TMC1: variants seen among roughly 807,000 people sequenced by gnomAD.
TMC1 encodes transmembrane channel like 1.
A neutral mutation model predicts 105.8 loss-of-function variants in TMC1; 84 were observed. The observed-to-expected ratio is 0.79, with a 90% CI of 0.67 to 0.95. The LOEUF (loss-of-function observed/expected upper bound fraction) is 0.95, where lower values mean the gene tolerates loss of function less well. Ranked by LOEUF, TMC1 falls within the 40% of genes least tolerant of loss-of-function variation. The pLI is 0.00. For synonymous variants in TMC1, 315 were observed against 311.5 expected (o/e 1.01, Z -0.12); for missense variants, 817 against 914.1 (o/e 0.89, Z 1.37).
intron 3 of TMC1, among the ~76,000 whole-genome samples, chr9:72,625,455 G>T (rs779624594): frequency 1.3e-5 from 2 of 152,028 alleles, no homozygotes; most frequent in Admixed American, 1.3e-4. Context: ...TTGGGAGGCC[G>T]AGGCAGGTGG....
rs116211767 is a variant in TMC1, at chr9:72,775,897, C to T, written c.884+3342C>T. Among the ~76,000 whole-genome samples, 1,130 of 152,254 alleles carry T rather than the reference C, an allele frequency of 7.4e-3. 12 individuals carry two copies. Among genetic ancestry groups the T allele is most frequent in the African/African-American group, 0.026 (1,073 of 41,546 alleles). On this transcript the variant is annotated intron_variant, in intron 13 of 23. Coordinates refer to ENST00000297784, the MANE Select transcript of TMC1 (RefSeq NM_138691.3). ...TGGGGAGGTGCTGGGCTCTTTTAAA[C>T]AGCCAGCTCTCGTGGGAGCTAATAG... is the stretch of plus-strand genomic sequence containing the variant.
intron 17 of TMC1, chr9:72,805,146 A>G (rs1564566408): frequency 5.2e-6 from 2 of 387,888 alleles, no homozygotes; most frequent in Non-Finnish European, 9.4e-6. Flanking sequence ...TGTTTATGAA[A>G]TTTCTCAGTA....
chr9:72,548,819 C>T (rs761550801), intron 1 of TMC1, among the ~76,000 whole-genome samples: 1 of 151,996 alleles, frequency 6.6e-6, no homozygotes. Context: ...GATCCCATCT[C>T]TAAAAAAATA....
chr9:72,597,953 C>G (rs562651053), intron 2 of TMC1, among the ~76,000 whole-genome samples: 3 of 152,122 alleles, frequency 2.0e-5, no homozygotes, highest in Non-Finnish European at 4.4e-5. Context: ...CACACTCATC[C>G]CCTTTGCTTT....
chr9:72,792,025 A>G lies in TMC1; in HGVS notation c.1364A>G (p.Tyr455Cys), dbSNP rs1425778786. The change falls in exon 16 of 24, where the codon TAC becomes TGC. Residue 455 changes from tyrosine to cysteine, a missense_variant. Transcript: ENST00000297784. ...RIFALLLGNLYVFILALMDEI... is the reference protein window; with the variant it reads ...RIFALLLGNLCVFILALMDEI... Reference sequence around the variant, plus strand: ...TTTGCTCTTCTTTTAGGCAATTTATACGTATTTATTCTTGCATTAATGGAT... The same window carrying G: ...TTTGCTCTTCTTTTAGGCAATTTATGCGTATTTATTCTTGCATTAATGGAT... 1 of 1,614,124 alleles carries G rather than the reference A, an allele frequency of 6.2e-7. No homozygotes were observed. Among genetic ancestry groups the G allele is most frequent in the Admixed American group, 1.7e-5 (1 of 60,016 alleles).
At chr9:72,797,139 A>G (rs1363335928) in intron 17 of TMC1, among the ~76,000 whole-genome samples, 1 of 152,166 alleles carries the variant, frequency 6.6e-6, no homozygotes, top group Non-Finnish European at 1.5e-5. Context: ...ATAATAAAAT[A>G]CTTAAGAATG....
chr9:72,723,664 A>C (rs568149264), intron 8 of TMC1, among the ~76,000 whole-genome samples: 1 of 152,342 alleles, frequency 6.6e-6, no homozygotes, highest in South Asian at 2.1e-4. Context: ...AGAAAAGCCA[A>C]ATGTAAAAAT....
intron 2 of TMC1, among the ~76,000 whole-genome samples, chr9:72,593,133 G>C (rs1016652526): frequency 6.6e-6 from 1 of 152,166 alleles, no homozygotes; most frequent in Admixed American, 6.5e-5. Context: ...AGTTTTCAAA[G>C]AGGAGAGAAA....
At chr9:72,563,340 T>C (rs1824090926) in intron 1 of TMC1, among the ~76,000 whole-genome samples, 1 of 152,162 alleles carries the variant, frequency 6.6e-6, no homozygotes, top group Non-Finnish European at 1.5e-5. Context: ...CTATGGTAAT[T>C]TGGCTTCATA....
At chr9:72,629,475 A>G (rs1378336874) in intron 4 of TMC1, among the ~76,000 whole-genome samples, 3 of 152,206 alleles carry the variant, frequency 2.0e-5, no homozygotes, top group Admixed American at 1.3e-4. Flanking sequence ...CCCATGAGCT[A>G]GTTGGGAAAA....
At chr9:72,679,932 C>A (rs564491842) in intron 5 of TMC1, among the ~76,000 whole-genome samples, 1 of 152,172 alleles carries the variant, frequency 6.6e-6, no homozygotes, top group East Asian at 1.9e-4. Flanking sequence ...ATTTGGGATT[C>A]CTGGGTGTAC....
intron 8 of TMC1, among the ~76,000 whole-genome samples, chr9:72,739,148 C>T (rs775130243): frequency 6.6e-5 from 10 of 152,202 alleles, no homozygotes; most frequent in Non-Finnish European, 1.3e-4. Flanking sequence ...CCAGCATGGT[C>T]GGGCTCTGGC....
intron 23 of TMC1, 56 bp downstream of exon 23, chr9:72,830,738 C>CTTTTTTTTTTTTTT (rs71495342): frequency 1.9e-5 from 22 of 1,148,110 alleles, no homozygotes; most frequent in Admixed American, 5.3e-5. Context: ...CTTTTTCTTT[C>CTTTTTTTTTTTTTT]TTTTTTTTTT....
intron 6 of TMC1, among the ~76,000 whole-genome samples, chr9:72,692,281 C>G (rs1448924021): frequency 6.6e-6 from 1 of 152,178 alleles, no homozygotes; most frequent in Non-Finnish European, 1.5e-5. Flanking sequence ...GTTTTCTCCC[C>G]TCCCCAGGGA....
intron 4 of TMC1, among the ~76,000 whole-genome samples, chr9:72,643,550 A>G (rs1825660920): frequency 6.6e-6 from 1 of 152,072 alleles, no homozygotes; most frequent in Non-Finnish European, 1.5e-5. Flanking sequence ...ATCATATAGC[A>G]TGTGCTCTTT....
intron 21 of TMC1, among the ~76,000 whole-genome samples, chr9:72,830,159 G>A (rs1369551704): frequency 6.6e-6 from 1 of 152,148 alleles, no homozygotes; most frequent in Non-Finnish European, 1.5e-5. Flanking sequence ...ACATTTCCAG[G>A]AAAAAGCTAA....
At chr9:72,603,386 T>TACACACACACAC (rs10584160) in intron 2 of TMC1, among the ~76,000 whole-genome samples, 41 of 145,226 alleles carry the variant, frequency 2.8e-4, no homozygotes, top group Non-Finnish European at 3.7e-4. Flanking sequence ...CTCTCCCCAC[T>TACACACACACAC]ACACACACAC....
chr9:72,807,128 C>T (rs1242537938), intron 18 of TMC1, among the ~76,000 whole-genome samples: 1 of 152,188 alleles, frequency 6.6e-6, no homozygotes, highest in Non-Finnish European at 1.5e-5. Context: ...CGGCGCGAGC[C>T]TGCAATCGCA....
At chr9:72,768,565 G>A (rs1245987743) in intron 12 of TMC1, among the ~76,000 whole-genome samples, 1 of 152,070 alleles carries the variant, frequency 6.6e-6, no homozygotes, top group African/African-American at 2.4e-5. Flanking sequence ...TAGGCAAACT[G>A]CAGAAACCTT....
Sources: gnomAD v4.1 joint callset for allele counts (sites outside exome capture counted in the v4.1 genomes callset) on GRCh38, gnomAD v4.1.1 for gene constraint, MANE v1.5 for transcripts, NCBI Gene and HGNC (gene_info 2026-07-23, HGNC 2026-07-21) for gene names.